CSGALNACT1: variants seen among roughly 807,000 people sequenced by gnomAD.
CSGALNACT1 encodes beta4GalNAcT-1.
In CSGALNACT1, 52 loss-of-function variants were observed where a neutral mutation model predicts 51.0. The observed-to-expected ratio is 1.02, with a 90% CI of 0.82 to 1.29. CSGALNACT1 has a LOEUF of 1.29. Among genes scored for constraint, CSGALNACT1 ranks in the 50% most tolerant of loss-of-function variants. The pLI is 0.00. For missense variants in CSGALNACT1, 935 were observed against 679.2 expected, an observed-to-expected ratio of 1.38 and a Z score of -4.19; for synonymous variants, 341 against 254.4, an observed-to-expected ratio of 1.34 and a Z score of -3.24.
intron 3 of CSGALNACT1, among the ~76,000 whole-genome samples, chr8:19,539,169 G>A (rs954175232): frequency 1.3e-5 from 2 of 152,150 alleles, no homozygotes; most frequent in African/African-American, 4.8e-5. Context: ...ACACCTCACA[G>A]AGTCAGTGGG....
At chr8:19,522,094 G>A (rs2080843089) in intron 3 of CSGALNACT1, among the ~76,000 whole-genome samples, 1 of 152,208 alleles carries the variant, frequency 6.6e-6, no homozygotes, top group Admixed American at 6.5e-5. Flanking sequence ...GAGGAGCACA[G>A]AAAGGCTTGT....
intron 4 of CSGALNACT1, among the ~76,000 whole-genome samples, chr8:19,465,136 AC>A (rs1184788389): frequency 6.6e-6 from 1 of 152,234 alleles, no homozygotes; most frequent in East Asian, 1.9e-4. Context: ...AATGTGGTCC[AC>A]CCATACAACA....
intron 1 of CSGALNACT1, among the ~76,000 whole-genome samples, chr8:19,666,942 AAAAAGAAAGAAAG>A (rs2059316140): frequency 8.7e-6 from 1 of 115,278 alleles, no homozygotes; most frequent in Non-Finnish European, 1.8e-5. Flanking sequence ...AGAGAGAGAG[AAAAAGAAAGAAAG>A]AAAGAAAGAA....
chr8:19,720,780 C>G (rs1455591165), intron 1 of CSGALNACT1, among the ~76,000 whole-genome samples: 1 of 152,174 alleles, frequency 6.6e-6, no homozygotes, highest in Non-Finnish European at 1.5e-5. Flanking sequence ...GGCTCATGCC[C>G]AAGAATGTCC....
chr8:19,565,868 G>C (rs2041810860), intron 3 of CSGALNACT1, among the ~76,000 whole-genome samples: 1 of 152,200 alleles, frequency 6.6e-6, no homozygotes, highest in Non-Finnish European at 1.5e-5. Context: ...CCGAGATCGT[G>C]CCACTGCACT....
chr8:19,587,227 T>C (rs1413589428), intron 3 of CSGALNACT1, among the ~76,000 whole-genome samples: 1 of 152,142 alleles, frequency 6.6e-6, no homozygotes, highest in African/African-American at 2.4e-5. Context: ...ACACACAGAA[T>C]CAGAAACTCT....
At chr8:19,516,109 A>C (rs2079479594) in intron 3 of CSGALNACT1, among the ~76,000 whole-genome samples, 2 of 151,894 alleles carry the variant, frequency 1.3e-5, no homozygotes, top group South Asian at 2.1e-4. Flanking sequence ...GCCTTCCAAC[A>C]CCCTCCCCTC....
At chr8:19,576,196 T>C (rs2044168825) in intron 3 of CSGALNACT1, among the ~76,000 whole-genome samples, 1 of 152,108 alleles carries the variant, frequency 6.6e-6, no homozygotes, top group Admixed American at 6.6e-5. Context: ...TACACTTTTT[T>C]TGTTGTCTTG....
At chr8:19,748,810 C>CA (rs2064848393) in intron 1 of CSGALNACT1, among the ~76,000 whole-genome samples, 1 of 151,936 alleles carries the variant, frequency 6.6e-6, no homozygotes, top group African/African-American at 2.4e-5. Context: ...GCTAAAAATA[C>CA]AAAAATTAGC....
chr8:19,743,277 G>A (rs1389184631), intron 1 of CSGALNACT1, among the ~76,000 whole-genome samples: 1 of 152,154 alleles, frequency 6.6e-6, no homozygotes, highest in Non-Finnish European at 1.5e-5. Context: ...TTTTATTCCT[G>A]AGAGTACGCA....
chr8:19,624,956 C>T (rs1026312165), intron 1 of CSGALNACT1, among the ~76,000 whole-genome samples: 8 of 152,328 alleles, frequency 5.3e-5, no homozygotes, highest in African/African-American at 1.7e-4. Flanking sequence ...GGATTACAGG[C>T]GTGAGCCACT....
chr8:19,634,918 T>A (rs1005222181), intron 1 of CSGALNACT1, among the ~76,000 whole-genome samples: 1 of 152,186 alleles, frequency 6.6e-6, no homozygotes, highest in Non-Finnish European at 1.5e-5. Context: ...CACAATGTAA[T>A]ATAATGATGA....
At chr8:19,462,267 T>G (rs766400486) in intron 4 of CSGALNACT1, among the ~76,000 whole-genome samples, 12 of 152,166 alleles carry the variant, frequency 7.9e-5, no homozygotes, top group Non-Finnish European at 1.6e-4. Flanking sequence ...TAGCATAACT[T>G]CTCCACACAG....
At chr8:19,651,938 TTG>T (rs1267182397) in intron 1 of CSGALNACT1, among the ~76,000 whole-genome samples, 46 of 150,728 alleles carry the variant, frequency 3.1e-4, no homozygotes, top group Non-Finnish European at 5.9e-4. Context: ...TTGTTTTGTT[TTG>T]ACTTTTTTTA....
chr8:19,752,067 TATATG>T (rs978016694), intron 1 of CSGALNACT1, among the ~76,000 whole-genome samples: 10 of 77,076 alleles, frequency 1.3e-4, no homozygotes, highest in Non-Finnish European at 1.7e-4. Flanking sequence ...AATATATTTT[TATATG>T]ATATGATGAT....
chr8:19,510,729 T>C (rs939614309), intron 3 of CSGALNACT1, among the ~76,000 whole-genome samples: 3 of 152,204 alleles, frequency 2.0e-5, no homozygotes, highest in Non-Finnish European at 4.4e-5. Flanking sequence ...ACAAATATAA[T>C]ACATTTTAAA....
chr8:19,504,878 G>C lies in CSGALNACT1; in HGVS notation c.634+323C>G, dbSNP rs368728647. 4.6e-5 allele frequency among the ~76,000 whole-genome samples: 7 copies of C among 152,178 alleles called. 1 individual carries two copies. Among genetic ancestry groups the C allele is most frequent in the East Asian group, 3.8e-4 (2 of 5,202 alleles). On this transcript the variant is annotated intron_variant, in intron 4 of 9. Coordinates refer to ENST00000454498, the Ensembl canonical transcript of CSGALNACT1. The stretch of plus-strand genomic sequence containing the variant: ...GCTTGCTAACCAAGCTCAGTTACTA[G>C]AAGTGCCCTGTCATATTTTATTTGG...
At position 19,420,140 on chromosome 8, in the gene CSGALNACT1, A is replaced by T. The variant is rs866477825; in HGVS notation, c.1132+200T>A. Reference sequence around the variant, plus strand: ...TGAGTCCATTAAACCTCTTTCCTTTATAAATTACCCAGTCTCAGGTGTGTC... The same window carrying T: ...TGAGTCCATTAAACCTCTTTCCTTTTTAAATTACCCAGTCTCAGGTGTGTC... On this transcript the variant is annotated intron_variant, in intron 7 of 9. Transcript: ENST00000454498. 2.0e-5 allele frequency among the ~76,000 whole-genome samples: 3 copies of T among 152,174 alleles called. No homozygotes were observed. In the South Asian group the frequency reaches 6.2e-4, roughly 32 times the overall value.
chr8:19,414,611 AC>A lies in CSGALNACT1; in HGVS notation c.1227+4044del, dbSNP rs1345727730. On this transcript the variant is annotated intron_variant, in intron 8 of 9. Transcript: ENST00000454498. ...CACACACATACACACACACACACAC[AC>A]ACACTATCATAAATGTGGTTTCTTG... Among the ~76,000 whole-genome samples the A allele has an allele frequency of 2.0e-4, 30 of 152,246 alleles. No individual in the cohort carries two copies. The East Asian group carries it at 5.4e-3, about 27-fold the overall frequency.
Sources: allele counts gnomAD v4.1 joint callset (sites outside exome capture counted in the v4.1 genomes callset), GRCh38; gene constraint gnomAD v4.1.1; transcripts MANE v1.5; gene names NCBI Gene and HGNC (gene_info 2026-07-23, HGNC 2026-07-21).